Variants in LINGO2 observed in about 807,000 individuals in gnomAD.
LINGO2 encodes leucine rich repeat and Ig domain containing 2, also known as leucine-rich repeat and immunoglobulin-like domain-containing nogo receptor-interacting protein 2.
In LINGO2, 14 loss-of-function variants were observed where a neutral mutation model predicts 30.6. The ratio of observed to expected loss-of-function variants is 0.46; its 90% CI spans 0.30 to 0.72. The LOEUF is 0.72. Ranked by LOEUF, LINGO2 falls within the 30% of genes least tolerant of loss-of-function variation. The pLI is 0.07. For synonymous variants in LINGO2, 317 were observed against 288.5 expected (o/e 1.10, Z -1.00); for missense variants, 729 against 751.7 (o/e 0.97, Z 0.35).
intron 1 of LINGO2, among the ~76,000 whole-genome samples, chr9:28,667,145 C>A (rs909483872): frequency 6.6e-6 from 1 of 152,146 alleles, no homozygotes; most frequent in Non-Finnish European, 1.5e-5. Context: ...AACAAACACA[C>A]CAACTATTAT....
At chr9:27,951,608 A>G (rs560789396) in intron 5 of LINGO2, among the ~76,000 whole-genome samples, 25 of 152,250 alleles carry the variant, frequency 1.6e-4, no homozygotes, top group Non-Finnish European at 1.5e-5. Context: ...GGAAATGAGT[A>G]TGTTTTAAAT....
intron 1 of LINGO2, among the ~76,000 whole-genome samples, chr9:28,537,129 A>G (rs1472807484): frequency 6.6e-6 from 1 of 152,118 alleles, no homozygotes; most frequent in Non-Finnish European, 1.5e-5. Flanking sequence ...TTGCTAGCAA[A>G]CCACCAGAAG....
chr9:28,463,204 T>A (rs574397023), intron 2 of LINGO2, among the ~76,000 whole-genome samples: 1 of 152,000 alleles, frequency 6.6e-6, no homozygotes, highest in Admixed American at 6.5e-5. Context: ...TACCTAGATA[T>A]GTAACATCAC....
intron 3 of LINGO2, among the ~76,000 whole-genome samples, chr9:28,307,560 G>C (rs915316448): frequency 2.0e-5 from 3 of 152,154 alleles, no homozygotes; most frequent in Non-Finnish European, 4.4e-5. Context: ...ATTCAACACA[G>C]TGTTGGAAGT....
the LINGO2 span, among the ~76,000 whole-genome samples, chr9:28,750,537 T>G: frequency 6.6e-6 from 1 of 152,122 alleles, no homozygotes; most frequent in Admixed American, 6.5e-5. Context: ...TCTTCAGAAC[T>G]GCTTTACCAC....
At chr9:29,090,200 A>G in the LINGO2 span, among the ~76,000 whole-genome samples, 2 of 151,988 alleles carry the variant, frequency 1.3e-5, no homozygotes, top group Non-Finnish European at 2.9e-5. Context: ...ATGCATCACA[A>G]TGTATTTTAA....
the LINGO2 span, chr9:27,941,295 G>A: frequency 6.6e-6 from 1 of 152,300 alleles, no homozygotes; most frequent in Non-Finnish European, 1.5e-5. Context: ...AAATTAGCCG[G>A]GTGTGGTGGT....
chr9:27,944,787 GT>G (rs1442191777), downstream of LINGO2, among the ~76,000 whole-genome samples: 1 of 152,062 alleles, frequency 6.6e-6, no homozygotes, highest in Non-Finnish European at 1.5e-5. Context: ...GGTCCCAAAG[GT>G]TTTGTTACTA....
chr9:28,111,150 A>G (rs9722802), intron 4 of LINGO2, among the ~76,000 whole-genome samples: 13,964 of 152,158 alleles, frequency 0.092, 833 homozygotes, highest in East Asian at 0.23. Context: ...AAAACCAAAC[A>G]TCACATGTTC....
chr9:29,041,801 G>T, the LINGO2 span, among the ~76,000 whole-genome samples: 1 of 151,930 alleles, frequency 6.6e-6, no homozygotes, highest in Non-Finnish European at 1.5e-5. Context: ...TTGATAAGTA[G>T]ATCTTATCAA....
chr9:28,985,206 T>C, the LINGO2 span, among the ~76,000 whole-genome samples: 1 of 152,166 alleles, frequency 6.6e-6, no homozygotes, highest in Admixed American at 6.5e-5. Context: ...TTTCGTTCTT[T>C]ATTAGGGCTG....
rs561340212 is a variant in LINGO2 at position 28,129,959 on chromosome 9, A to G, written c.-86-117554T>C. 1.3e-5 allele frequency among the ~76,000 whole-genome samples: 2 copies of G among 152,354 alleles called. No individual in the cohort carries two copies. The highest frequency in any genetic ancestry group is 4.8e-5 in the African/African-American group (2 of 41,592). ...AACATGTGAATCTTTGTGGTATAACAACTTATGTTCCAGTAACTTCTATTT... is the reference window on the plus strand; with the variant it reads ...AACATGTGAATCTTTGTGGTATAACGACTTATGTTCCAGTAACTTCTATTT... On this transcript the variant is annotated intron_variant, in intron 4 of 5. Transcript: ENST00000379992. The surrounding 1 kb of genome is among the most constrained non-coding windows in gnomAD (Gnocchi z 4.0).
At chr9:28,618,745 T>A (rs965091564) in intron 1 of LINGO2, among the ~76,000 whole-genome samples, 3 of 152,210 alleles carry the variant, frequency 2.0e-5, no homozygotes, top group Non-Finnish European at 4.4e-5. Context: ...CTCACCAGTC[T>A]AAAGGAGACA....
At chr9:28,396,136 A>G (rs1057075689) in intron 2 of LINGO2, among the ~76,000 whole-genome samples, 6 of 152,164 alleles carry the variant, frequency 3.9e-5, no homozygotes, top group Non-Finnish European at 5.9e-5. Flanking sequence ...CACGAAATGT[A>G]GAAGATTGAT....
the LINGO2 span, among the ~76,000 whole-genome samples, chr9:28,795,996 ACACACAC>A: frequency 6.6e-6 from 1 of 151,190 alleles, no homozygotes; most frequent in African/African-American, 2.4e-5. Flanking sequence ...ACACACACAC[ACACACAC>A]ACACACACAC....
At chr9:28,953,315 G>A in the LINGO2 span, among the ~76,000 whole-genome samples, 2 of 152,006 alleles carry the variant, frequency 1.3e-5, no homozygotes, top group African/African-American at 2.4e-5. Flanking sequence ...GTGCTCAAAC[G>A]TTTAGGAATC....
the LINGO2 span, among the ~76,000 whole-genome samples, chr9:29,189,003 G>T: frequency 7.1e-6 from 1 of 140,392 alleles, no homozygotes; most frequent in Non-Finnish European, 1.5e-5. Flanking sequence ...CTGGCCGGGC[G>T]GGGGGCTGAC....
At chr9:28,062,316 T>C (rs1200952685) in intron 4 of LINGO2, among the ~76,000 whole-genome samples, 1 of 151,734 alleles carries the variant, frequency 6.6e-6, no homozygotes, top group Non-Finnish European at 1.5e-5. Context: ...GGAGTTAGCA[T>C]TTTCCATTTC....
the LINGO2 span, among the ~76,000 whole-genome samples, chr9:28,882,429 T>C: frequency 6.6e-6 from 1 of 152,188 alleles, no homozygotes. Context: ...AATGATTTGG[T>C]ACAGCTACTA....
Sources: gnomAD v4.1 joint callset for allele counts (sites outside exome capture counted in the v4.1 genomes callset) on GRCh38, gnomAD v4.1.1 for gene constraint, Gnocchi (gnomAD v3.1) non-coding constraint, MANE v1.5 for transcripts, NCBI Gene and HGNC (gene_info 2026-07-23, HGNC 2026-07-21) for gene names.